Variants in RPAP3 observed in about 807,000 individuals in gnomAD.
RPAP3 encodes RNA polymerase II-associated protein 3.
In RPAP3, 58 loss-of-function variants were observed where a neutral mutation model predicts 88.8. The ratio of observed to expected loss-of-function variants is 0.65; its 90% confidence interval spans 0.53 to 0.81. The LOEUF (loss-of-function observed/expected upper bound fraction) is 0.81, where lower values mean the gene tolerates loss of function less well. Among genes scored for constraint, RPAP3 ranks in the 40% least tolerant of loss-of-function variants. The pLI is 0.00. For missense variants in RPAP3, 751 were observed against 764.3 expected (o/e 0.98, Z 0.20); for synonymous variants, 255 against 259.9 (o/e 0.98, Z 0.18).
chr12:47,703,306 T>C (rs1178875995), intron 1 of RPAP3, among the ~76,000 whole-genome samples: 1 of 152,184 alleles, frequency 6.6e-6, no homozygotes, highest in Non-Finnish European at 1.5e-5. Context: ...AGTAACAAAA[T>C]ATGTTAAGCA....
At chr12:47,690,360 C>T (rs796414841) in intron 6 of RPAP3, among the ~76,000 whole-genome samples, 158 bp downstream of exon 6, 17 of 152,234 alleles carry the variant, frequency 1.1e-4, no homozygotes, top group African/African-American at 4.1e-4. Flanking sequence ...TGCATTCTTT[C>T]TTAAAAACAT....
intron 5 of RPAP3, among the ~76,000 whole-genome samples, chr12:47,692,964 C>G (rs1234217089): frequency 1.3e-5 from 2 of 152,318 alleles, no homozygotes; most frequent in East Asian, 3.9e-4. Flanking sequence ...ACTGCAACCT[C>G]TGCCTCCTGG....
chr12:47,667,264 T>C (rs1938894861), intron 15 of RPAP3, among the ~76,000 whole-genome samples, 184 bp from the exon 16 acceptor site: 1 of 152,204 alleles, frequency 6.6e-6, no homozygotes, highest in South Asian at 2.1e-4. Flanking sequence ...TACAATATTC[T>C]TAAATGAGAG....
intron 5 of RPAP3, among the ~76,000 whole-genome samples, chr12:47,695,140 G>A (rs928449569): frequency 1.3e-5 from 2 of 151,944 alleles, no homozygotes; most frequent in Non-Finnish European, 2.9e-5. Flanking sequence ...GGGAGGGAGA[G>A]AGAAAAAGAA....
Position 47,662,831 on chromosome 12 carries a change from C to T in RPAP3, c.*674G>A, listed in dbSNP as rs1938787859. The T allele has an allele frequency of 6.6e-6, 1 of 152,172 alleles. No homozygotes were observed. Among genetic ancestry groups the T allele is most frequent in the South Asian group, 2.1e-4 (1 of 4,830 alleles). 9.4% of individuals were successfully genotyped at this position (152,172 alleles called of 1,614,324 possible). ...CATATGGGCTATATGCTAATTAGTA[C>T]TTTAAACATTACTAATTTTTACATT... On this transcript the variant is annotated 3_prime_UTR_variant, in exon 17 of 17. Coordinates refer to ENST00000005386, the MANE Select transcript of RPAP3 (RefSeq NM_024604.3).
In RPAP3 at chr12:47,672,245, C is replaced by T. The variant is rs186495495; in HGVS notation, c.1288-1900G>A. Among the ~76,000 whole-genome samples the T allele has an allele frequency of 4.1e-4, 62 of 152,300 alleles. 1 individual carries two copies. The highest frequency in any genetic ancestry group is 1.4e-3 in the African/African-American group (60 of 41,546). On this transcript the variant is annotated intron_variant, in intron 12 of 16. Transcript: ENST00000005386. ...GTCTAGAGGTTTGCTAAAAATACCT[C>T]CAAGCTGCCAGCCCTTCAAGCACAG...
chr12:47,689,857 A>G (rs1172820434), intron 6 of RPAP3, among the ~76,000 whole-genome samples: 2 of 152,110 alleles, frequency 1.3e-5, no homozygotes, highest in East Asian at 1.9e-4. Context: ...CCTGGCCAAC[A>G]TGGCAAAACC....
chr12:47,687,972 T>C lies in RPAP3; in HGVS notation c.768A>G (p.Pro256=), dbSNP rs778356215. Residue 256 remains proline (P), a synonymous_variant, in exon 8 of 17, where the codon CCA becomes CCG. Transcript: ENST00000005386. ...QALASKENSY[P]KEADIVIKST... ...ACTTAATCACTATGTCAGCTTCCTT[T>C]GGATATGAGTTTTCTTTGGATGCTA... The C allele has an allele frequency of 4.3e-6, 7 of 1,613,254 alleles. No homozygotes were observed. The highest frequency in any genetic ancestry group is 5.9e-6 in the Non-Finnish European group (7 of 1,179,630).
chr12:47,681,895 T>A, intron 9 of RPAP3, 78 bp from the exon 10 acceptor site: 3 of 1,361,096 alleles, frequency 2.2e-6, no homozygotes, highest in Non-Finnish European at 2.0e-6. Flanking sequence ...GTTTCTAATT[T>A]AAAAAGCTTG....
At chr12:47,670,484 A>G in intron 12 of RPAP3, 139 bp from the exon 13 acceptor site, 1 of 605,862 alleles carries the variant, frequency 1.7e-6, no homozygotes. Context: ...AGACAGACTT[A>G]GAAGTCTGAG....
chr12:47,671,595 A>G (rs112346318), intron 12 of RPAP3, among the ~76,000 whole-genome samples: 6 of 152,360 alleles, frequency 3.9e-5, no homozygotes, highest in South Asian at 4.1e-4. Flanking sequence ...GAATTCTTCA[A>G]GCAGTTCTAT....
chr12:47,696,505 T>C (rs1398889959), intron 4 of RPAP3, 102 bp from the exon 5 acceptor site: 2 of 716,442 alleles, frequency 2.8e-6, no homozygotes, highest in Non-Finnish European at 4.1e-6. Context: ...TCCACTTAAA[T>C]GTAGATTTTT....
In RPAP3 at chr12:47,663,554, C is replaced by A; in HGVS notation, c.1949G>T (p.Gly650Val). 1 of 1,587,796 alleles carries A rather than the reference C, an allele frequency of 6.3e-7. No homozygotes were observed. The highest frequency in any genetic ancestry group is 2.3e-5 in the East Asian group (1 of 43,566). ...RALFNHIDKS[G>V]LKDSSVEELK... ...TTCTTCGACAGAACTATCCTTCAAT[C>A]CTGACTTGTCTATGTGATTAAATAA... Residue 650 changes from glycine to valine, a missense_variant, in exon 17 of 17, where the codon GGA (glycine) becomes GTA (valine). By Grantham distance (109) the Gly-to-Val change is moderately radical. Coordinates refer to ENST00000005386, the MANE Select transcript of RPAP3 (RefSeq NM_024604.3).
chr12:47,681,431 T>G (rs1291892086), intron 10 of RPAP3, among the ~76,000 whole-genome samples: 1 of 152,206 alleles, frequency 6.6e-6, no homozygotes, highest in African/African-American at 2.4e-5. Context: ...TTCTCATGTA[T>G]AATTAAAATT....
At chr12:47,684,793 G>A (rs1043977189) in intron 9 of RPAP3, among the ~76,000 whole-genome samples, 2 of 152,068 alleles carry the variant, frequency 1.3e-5, no homozygotes, top group African/African-American at 2.4e-5. Flanking sequence ...ACAATTCTTC[G>A]ATAGCAAAAA....
At position 47,674,084 on chromosome 12, in the gene RPAP3, T is replaced by TAAA. The variant is rs34101861; in HGVS notation, c.1288-3742_1288-3740dup. 2.1e-3 allele frequency among the ~76,000 whole-genome samples: 255 copies of TAAA among 123,260 alleles called. 8 individuals are homozygous for TAAA. The highest frequency in any genetic ancestry group is 5.8e-3 in the East Asian group (25 of 4,280). The allele number at this position is 123,260 out of a possible 152,430, so 80.9% of individuals were successfully genotyped here. ...CCTAGGAAGTATTTTTTAAAGATTCTAAAAAAAAAAAAAAAAAAAAAGTGC... is the reference window on the plus strand; with the variant it reads ...CCTAGGAAGTATTTTTTAAAGATTCTAAAAAAAAAAAAAAAAAAAAAAAAGTGC... On this transcript the variant is annotated intron_variant, in intron 12 of 16. Transcript: ENST00000005386.
chr12:47,674,199 G>A (rs1048887287), intron 12 of RPAP3, among the ~76,000 whole-genome samples: 3 of 151,870 alleles, frequency 2.0e-5, no homozygotes, highest in Admixed American at 6.6e-5. Context: ...AGCTCCCAGC[G>A]TGATCAACGC....
In RPAP3 at chr12:47,703,783, C is replaced by T. The variant is rs531993672; in HGVS notation, c.-6-937G>A. On this transcript the variant is annotated intron_variant, in intron 1 of 16. Transcript: ENST00000005386. The stretch of plus-strand genomic sequence containing the variant: ...GAAATGGCAGGCCATGAGGTCTAAC[C>T]TATATTCTGAAAGTTATGTGAAAAT... Among the ~76,000 whole-genome samples the T allele has an allele frequency of 5.9e-5, 9 of 152,160 alleles. No homozygotes were observed. In the South Asian group the frequency reaches 1.9e-3, roughly 32 times the overall value.
intron 9 of RPAP3, among the ~76,000 whole-genome samples, chr12:47,683,086 C>T (rs971858518): frequency 2.0e-5 from 3 of 152,114 alleles, no homozygotes; most frequent in Non-Finnish European, 4.4e-5. Flanking sequence ...GTCTTTGAAC[C>T]TGCACTAGAA....
Sources: allele counts gnomAD v4.1 joint callset (sites outside exome capture counted in the v4.1 genomes callset), GRCh38; gene constraint gnomAD v4.1.1; transcripts MANE v1.5; gene names NCBI Gene and HGNC (gene_info 2026-07-23, HGNC 2026-07-21).